The following PLEKHD1 variants were observed in gnomAD, a reference collection of about 807,000 sequenced individuals.
PLEKHD1 encodes the protein pleckstrin homology domain-containing family D member 1.
Under a neutral mutation model 69.2 loss-of-function variants are expected in PLEKHD1, and 51 were observed. That is an observed-to-expected ratio of 0.74 (90% CI 0.59 to 0.93). PLEKHD1 has a LOEUF of 0.93. Ranked by LOEUF, PLEKHD1 falls within the 40% of genes least tolerant of loss-of-function variation. The pLI, the probability that PLEKHD1 is intolerant of heterozygous loss-of-function variation, is 0.00. For synonymous variants in PLEKHD1, 236 were observed against 244.7 expected, an observed-to-expected ratio of 0.96 and a Z score of 0.33; for missense variants, 584 against 641.0, an observed-to-expected ratio of 0.91 and a Z score of 0.96.
At chr14:69,488,893 C>G (rs1034261316) in intron 1 of PLEKHD1, among the ~76,000 whole-genome samples, 1 of 152,186 alleles carries the variant, frequency 6.6e-6, no homozygotes, top group African/African-American at 2.4e-5. Context: ...CCTCAGATTC[C>G]TCTACCCATC....
At position 69,484,935 on chromosome 14, in the gene PLEKHD1, T is replaced by G. The variant is rs1211097386; in HGVS notation, c.-31T>G. The G allele has an allele frequency of 3.8e-5, 59 of 1,544,590 alleles. No individual in the cohort carries two copies. The highest frequency in any genetic ancestry group is 5.2e-5 in the Non-Finnish European group (59 of 1,142,760). ...CCCTGCTGACCCCGGGGAGGTGGGG[T>G]CCGGGCCGGGCACAGCCCCGCTGAG... is the stretch of plus-strand genomic sequence containing the variant. On this transcript the variant is annotated 5_prime_UTR_variant, in exon 1 of 13. Coordinates refer to ENST00000322564, the MANE Select transcript of PLEKHD1 (RefSeq NM_001161498.2).
At chr14:69,524,686 C>T (rs1883601244) in intron 8 of PLEKHD1, among the ~76,000 whole-genome samples, 1 of 152,148 alleles carries the variant, frequency 6.6e-6, no homozygotes, top group African/African-American at 2.4e-5. Context: ...CGCTTAGCTG[C>T]TCCTGAGTGA....
chr14:69,502,844 ACCGAAGAACTCTG>A lies in PLEKHD1; in HGVS notation c.523_535del (p.Glu175PhefsTer30), dbSNP rs1180650626. ...TTTGGCAGACAAACTGATGGAAGAG[ACCGAAGAACTCTG>A]CCTTCAGAGGGAGCAGAGAGAGGTA... On this transcript the variant is annotated frameshift_variant, in exon 6 of 13. Transcript: ENST00000322564. LOFTEE classifies it high-confidence loss of function. The A allele has an allele frequency of 6.4e-7, 1 of 1,551,610 alleles. No individual in the cohort carries two copies. The highest frequency in any genetic ancestry group is 8.7e-7 in the Non-Finnish European group (1 of 1,146,962).
At chr14:69,498,156 C>T (rs1882933834) in intron 1 of PLEKHD1, among the ~76,000 whole-genome samples, 1 of 149,264 alleles carries the variant, frequency 6.7e-6, no homozygotes, top group Non-Finnish European at 1.5e-5. Flanking sequence ...GTTATCTCTG[C>T]TCACTGCAAC....
At chr14:69,482,908 AAAGAAAGAAAAAAAG>A (rs1882569343), upstream of PLEKHD1, among the ~76,000 whole-genome samples, 1 of 146,872 alleles carries the variant, frequency 6.8e-6, no homozygotes. Context: ...AAAAAAAAAG[AAAGAAAGAAAAAAAG>A]AAAGAAAGAA....
At chr14:69,523,171 A>C (rs1020315456) in intron 7 of PLEKHD1, among the ~76,000 whole-genome samples, 2 of 152,124 alleles carry the variant, frequency 1.3e-5, no homozygotes, top group African/African-American at 4.8e-5. Context: ...GTCCTCAACG[A>C]TCCTCCCACC....
chr14:69,514,250 G>A (rs1391117665), intron 6 of PLEKHD1, among the ~76,000 whole-genome samples: 1 of 149,588 alleles, frequency 6.7e-6, no homozygotes, highest in Non-Finnish European at 1.5e-5. Flanking sequence ...ATTCTGCTCT[G>A]GGTTTTTTTT....
At chr14:69,520,712 G>A (rs1409551526) in intron 6 of PLEKHD1, among the ~76,000 whole-genome samples, 1 of 152,160 alleles carries the variant, frequency 6.6e-6, no homozygotes, top group Non-Finnish European at 1.5e-5. Flanking sequence ...CTGGGCAACA[G>A]TAAGACTCAG....
At chr14:69,505,658 G>A (rs749596880) in intron 6 of PLEKHD1, among the ~76,000 whole-genome samples, 11 of 152,174 alleles carry the variant, frequency 7.2e-5, no homozygotes, top group African/African-American at 1.2e-4. Flanking sequence ...TGGCTGCTGC[G>A]TACTTCTAGG....
At chr14:69,526,970 G>T (rs1050514696) in intron 10 of PLEKHD1, 141 bp downstream of exon 10, 14 of 1,311,002 alleles carry the variant, frequency 1.1e-5, no homozygotes, top group Non-Finnish European at 1.2e-5. Flanking sequence ...GAGCCACCAC[G>T]AGGGGAAGCA....
chr14:69,497,745 G>A lies in PLEKHD1; in HGVS notation c.150-2370G>A, dbSNP rs116657075. 6.1e-3 allele frequency among the ~76,000 whole-genome samples: 935 copies of A among 152,358 alleles called. 11 individuals carry two copies. Among genetic ancestry groups the A allele is most frequent in the African/African-American group, 0.021 (883 of 41,590 alleles). On this transcript the variant is annotated intron_variant, in intron 1 of 12. Coordinates refer to ENST00000322564, the MANE Select transcript of PLEKHD1 (RefSeq NM_001161498.2). ...GCTGGCAGGCCTGGAATGTCACTGA[G>A]GTTCTGCAGCAGGTGGTATTCATGT...
At chr14:69,498,647 T>TCTTCC (rs1882950191) in intron 1 of PLEKHD1, among the ~76,000 whole-genome samples, 2 of 143,392 alleles carry the variant, frequency 1.4e-5, no homozygotes, top group African/African-American at 2.6e-5. Flanking sequence ...TCTTCTCTTC[T>TCTTCC]CTTCTCTTCT....
the PLEKHD1 span, among the ~76,000 whole-genome samples, chr14:69,479,193 T>G: frequency 6.6e-6 from 1 of 152,182 alleles, no homozygotes; most frequent in African/African-American, 2.4e-5. Flanking sequence ...ACTTATTCAC[T>G]ATCATGAGAA....
chr14:69,503,348 T>G, intron 6 of PLEKHD1: 1 of 180,124 alleles, frequency 5.6e-6, no homozygotes, highest in Non-Finnish European at 1.2e-5. Context: ...AAGGAGACTC[T>G]TGCCTTGTGT....
the PLEKHD1 span, among the ~76,000 whole-genome samples, chr14:69,476,557 AAAT>A: frequency 6.6e-6 from 1 of 150,918 alleles, no homozygotes; most frequent in East Asian, 1.9e-4. Context: ...CTATCTCTTA[AAAT>A]AATAATAATA....
upstream of PLEKHD1, among the ~76,000 whole-genome samples, chr14:69,483,588 T>G (rs1882586309): frequency 6.6e-6 from 1 of 152,218 alleles, no homozygotes; most frequent in Non-Finnish European, 1.5e-5. Flanking sequence ...AAGAAATAAC[T>G]TAGATGTGTG....
intron 1 of PLEKHD1, among the ~76,000 whole-genome samples, chr14:69,492,191 A>G (rs1882791690): frequency 6.6e-6 from 1 of 152,156 alleles, no homozygotes; most frequent in South Asian, 2.1e-4. Flanking sequence ...AATACCAGAG[A>G]TATTTTTATA....
At chr14:69,527,711 T>C in intron 11 of PLEKHD1, 72 bp from the exon 12 acceptor site, 1 of 1,512,262 alleles carries the variant, frequency 6.6e-7, no homozygotes, top group African/African-American at 1.4e-5. Flanking sequence ...ACCAGGATCC[T>C]TGGGAAGGGA....
intron 1 of PLEKHD1, among the ~76,000 whole-genome samples, chr14:69,489,798 G>A (rs1369204258): frequency 6.6e-6 from 1 of 152,078 alleles, no homozygotes; most frequent in East Asian, 1.9e-4. Flanking sequence ...GGGAACAGGG[G>A]TACAGCTCCA....
Sources: allele counts gnomAD v4.1 joint callset (sites outside exome capture counted in the v4.1 genomes callset), GRCh38; gene constraint gnomAD v4.1.1; transcripts MANE v1.5; gene names NCBI Gene and HGNC (gene_info 2026-07-23, HGNC 2026-07-21).